COMMD1: variants seen among roughly 807,000 people sequenced by gnomAD.
COMMD1 encodes copper metabolism domain containing 1, also known as COMM domain-containing protein 1.
Under a neutral mutation model 17.2 loss-of-function variants are expected in COMMD1, and 10 were observed. That is an observed-to-expected ratio of 0.58 (90% confidence interval 0.36 to 0.99). The LOEUF (loss-of-function observed/expected upper bound fraction) is 0.99, where lower values mean the gene tolerates loss of function less well. Ranked by LOEUF, COMMD1 falls within the 50% of genes least tolerant of loss-of-function variation. The pLI is 0.01. For synonymous variants in COMMD1, 97 were observed against 91.6 expected (o/e 1.06, Z -0.34); for missense variants, 270 against 231.8 (o/e 1.17, Z -1.07).
chr2:62,082,901 T>C (rs1417326827), intron 2 of COMMD1, among the ~76,000 whole-genome samples: 2 of 152,204 alleles, frequency 1.3e-5, no homozygotes. Context: ...ACAAGTTTCC[T>C]TCCCTTCCTT....
chr2:62,039,009 G>A lies in COMMD1; in HGVS notation c.462+38027G>A, dbSNP rs553149584. 4.6e-5 allele frequency among the ~76,000 whole-genome samples: 7 copies of A among 152,264 alleles called. 1 individual carries two copies. Among genetic ancestry groups the A allele is most frequent in the African/African-American group, 1.2e-4 (5 of 41,560 alleles). ...ATTTTCTTTTACAGTTTCTAAGAACGTAAGTAGATAAATGAAGCTTAATTT... is the reference window on the plus strand; with the variant it reads ...ATTTTCTTTTACAGTTTCTAAGAACATAAGTAGATAAATGAAGCTTAATTT... On this transcript the variant is annotated intron_variant, in intron 2 of 2. Coordinates refer to ENST00000311832, the MANE Select transcript of COMMD1 (RefSeq NM_152516.4).
chr2:61,972,360 A>T (rs1178638998), intron 1 of COMMD1, among the ~76,000 whole-genome samples: 2 of 152,200 alleles, frequency 1.3e-5, no homozygotes, highest in African/African-American at 2.4e-5. Context: ...TTAATATATT[A>T]TAGACCTGTA....
chr2:62,052,643 C>A (rs1670568400), intron 2 of COMMD1, among the ~76,000 whole-genome samples: 1 of 152,186 alleles, frequency 6.6e-6, no homozygotes, highest in Admixed American at 6.5e-5. Context: ...CCATATACCA[C>A]TACAGAGTTT....
intron 2 of COMMD1, among the ~76,000 whole-genome samples, chr2:62,090,129 A>C (rs1271853535): frequency 6.6e-6 from 1 of 150,940 alleles, no homozygotes; most frequent in Non-Finnish European, 1.5e-5. Flanking sequence ...TTTGTGAGCT[A>C]CCATGATCCA....
intron 2 of COMMD1, among the ~76,000 whole-genome samples, chr2:62,059,742 T>C (rs1462276576): frequency 2.0e-5 from 3 of 152,188 alleles, no homozygotes; most frequent in Non-Finnish European, 4.4e-5. Flanking sequence ...CTTACTGTTT[T>C]CATCAAATGT....
intron 1 of COMMD1, among the ~76,000 whole-genome samples, chr2:61,935,723 A>T (rs894800057): frequency 2.0e-5 from 3 of 152,022 alleles, no homozygotes; most frequent in Non-Finnish European, 1.5e-5. Flanking sequence ...AATGAAGACC[A>T]CTCTTGTTTC....
intron 2 of COMMD1, among the ~76,000 whole-genome samples, chr2:62,075,299 G>A (rs2103968079): frequency 6.6e-6 from 1 of 152,152 alleles, no homozygotes; most frequent in East Asian, 1.9e-4. Flanking sequence ...AAACATCACT[G>A]GGCCTGTGTT....
chr2:62,121,396 A>AAAAAAAAAAAG (rs1672741714), intron 2 of COMMD1, among the ~76,000 whole-genome samples: 1 of 150,338 alleles, frequency 6.7e-6, no homozygotes, highest in African/African-American at 2.4e-5. Context: ...AAAAAAAAAA[A>AAAAAAAAAAAG]ATTCCTGCCT....
chr2:62,098,223 C>G (rs539571805), intron 2 of COMMD1, among the ~76,000 whole-genome samples: 2 of 142,956 alleles, frequency 1.4e-5, no homozygotes, highest in South Asian at 4.5e-4. Flanking sequence ...ATGGCGCGAT[C>G]TTGGCTCACT....
chr2:61,947,090 C>G (rs182120224), intron 1 of COMMD1, among the ~76,000 whole-genome samples: 21 of 152,146 alleles, frequency 1.4e-4, no homozygotes, highest in Non-Finnish European at 2.4e-4. Context: ...CTCACATGTT[C>G]TAGAAATATA....
At chr2:61,954,959 G>GCAC (rs1237937173) in intron 1 of COMMD1, among the ~76,000 whole-genome samples, 3 of 152,162 alleles carry the variant, frequency 2.0e-5, no homozygotes, top group African/African-American at 7.2e-5. Context: ...ACAGGCGTGA[G>GCAC]CCACCATGCC....
chr2:62,121,612 C>T (rs1273152913), intron 2 of COMMD1, among the ~76,000 whole-genome samples: 1 of 151,348 alleles, frequency 6.6e-6, no homozygotes, highest in African/African-American at 2.4e-5. Flanking sequence ...TTGGTGTGCA[C>T]CTGTAATCCC....
intron 2 of COMMD1, among the ~76,000 whole-genome samples, chr2:62,089,309 C>T (rs574164218): frequency 7.3e-6 from 1 of 136,786 alleles, no homozygotes; most frequent in Non-Finnish European, 1.5e-5. Flanking sequence ...TTTTTTCAGT[C>T]GAGTCTCACT....
At chr2:62,124,028 G>A (rs191873972) in intron 2 of COMMD1, among the ~76,000 whole-genome samples, 3 of 152,116 alleles carry the variant, frequency 2.0e-5, no homozygotes, top group African/African-American at 7.2e-5. Flanking sequence ...AGCCAGGCAC[G>A]GTGGCTCACA....
At chr2:61,967,212 T>G (rs1324699402) in intron 1 of COMMD1, among the ~76,000 whole-genome samples, 1 of 152,224 alleles carries the variant, frequency 6.6e-6, no homozygotes. Context: ...CAGCAGTGCT[T>G]CTTACATTTA....
intron 1 of COMMD1, among the ~76,000 whole-genome samples, chr2:61,951,131 C>T (rs6755447): frequency 0.12 from 18,792 of 151,996 alleles, 2,807 homozygotes; most frequent in African/African-American, 0.36. Flanking sequence ...GACAGCTGGG[C>T]TTTCCAGAGG....
intron 2 of COMMD1, among the ~76,000 whole-genome samples, chr2:62,047,422 G>A (rs915049271): frequency 6.6e-6 from 1 of 152,024 alleles, no homozygotes; most frequent in African/African-American, 2.4e-5. Context: ...CTCCAGTCCT[G>A]CAAGCTCCAT....
chr2:62,023,894 A>G (rs1312892246), intron 2 of COMMD1, among the ~76,000 whole-genome samples: 1 of 152,208 alleles, frequency 6.6e-6, no homozygotes, highest in East Asian at 1.9e-4. Context: ...TATCTACTCT[A>G]TGGAATACTC....
At chr2:62,067,750 G>A (rs981018293) in intron 2 of COMMD1, among the ~76,000 whole-genome samples, 5 of 152,190 alleles carry the variant, frequency 3.3e-5, no homozygotes, top group African/African-American at 1.2e-4. Context: ...TTCTCTGTAA[G>A]ATTCCTTTCC....
Sources: gnomAD v4.1 joint callset for allele counts (sites outside exome capture counted in the v4.1 genomes callset) on GRCh38, gnomAD v4.1.1 for gene constraint, MANE v1.5 for transcripts, NCBI Gene and HGNC (gene_info 2026-07-23, HGNC 2026-07-21) for gene names.